ABCB9: variants seen among roughly 807,000 people sequenced by gnomAD.
ABCB9 encodes ATP binding cassette subfamily B member 9.
Under a neutral mutation model 62.0 loss-of-function variants are expected in ABCB9, and 36 were observed. The observed-to-expected ratio is 0.58, with a 90% CI of 0.45 to 0.77. The LOEUF (loss-of-function observed/expected upper bound fraction) is 0.77. Ranked by LOEUF, ABCB9 falls within the 30% of genes least tolerant of loss-of-function variation. ABCB9 has a pLI of 0.00. For missense variants in ABCB9, 943 were observed against 1,054.7 expected (o/e 0.89, Z 1.47); for synonymous variants, 435 against 461.4 (o/e 0.94, Z 0.73).
intron 1 of ABCB9, among the ~76,000 whole-genome samples, chr12:122,973,587 A>C (rs1362299972): frequency 3.6e-5 from 5 of 139,976 alleles, no homozygotes; most frequent in East Asian, 2.1e-4. Flanking sequence ...AGAAAAAAAA[A>C]AAAAAAAAAA....
chr12:122,942,618 C>CAA (rs549481027), intron 7 of ABCB9, among the ~76,000 whole-genome samples: 31 of 50,718 alleles, frequency 6.1e-4, no homozygotes, highest in Admixed American at 1.6e-3. Flanking sequence ...GACTCCATCT[C>CAA]AAAAAAAAAA....
downstream of ABCB9, among the ~76,000 whole-genome samples, chr12:122,927,696 C>A (rs1432661294): frequency 2.0e-5 from 3 of 152,148 alleles, no homozygotes; most frequent in East Asian, 5.8e-4. Context: ...TGGAACGGGG[C>A]TGGGCTGGGG....
rs762267115 is a variant in ABCB9, at chr12:122,930,545, G to T, written c.2041-374C>A. On this transcript the variant is annotated intron_variant, in intron 11 of 11. Transcript: ENST00000280560. This position sits in a 1 kb window ranked among gnomAD's most constrained non-coding sequence, Gnocchi z 4.9. Reference sequence around the variant, plus strand: ...GCCTCAGCTTCCCAAGTAGCTAGGGGATTACAGGTGCCCGCCACCATACCC... The same window carrying T: ...GCCTCAGCTTCCCAAGTAGCTAGGGTATTACAGGTGCCCGCCACCATACCC... Among the ~76,000 whole-genome samples the T allele has an allele frequency of 1.6e-4, 25 of 151,776 alleles. No individual in the cohort carries two copies. Among genetic ancestry groups the T allele is most frequent in the Non-Finnish European group, 2.4e-4 (16 of 67,952 alleles).
rs2035693122 is a variant in ABCB9, at chr12:122,940,368, C to T, written c.1570-84G>A. ...CCCTGACCTTGGACACAGGTGGGTGCCCTTCCCAGCCCACCCCATGTGCCT... is the reference window on the plus strand; with the variant it reads ...CCCTGACCTTGGACACAGGTGGGTGTCCTTCCCAGCCCACCCCATGTGCCT... On this transcript the variant is annotated intron_variant, in intron 8 of 11. Transcript: ENST00000280560. The surrounding 1 kb of genome is among the most constrained non-coding windows in gnomAD (Gnocchi z 4.8). The T allele has an allele frequency of 2.7e-6, 4 of 1,457,384 alleles. No individual in the cohort carries two copies. In the Admixed American group the frequency reaches 9.7e-5, roughly 35 times the overall value. 90.3% of individuals were successfully genotyped at this position (1,457,384 alleles called of 1,614,324 possible).
Position 122,960,190 on chromosome 12 carries a change from C to T in ABCB9, c.46G>A (p.Val16Met). The change falls in exon 2 of 12, where the codon GTG becomes ATG. Residue 16 changes from valine (V) to methionine (M), a missense_variant. Val to Met is a conservative substitution (Grantham distance 21). Coordinates refer to ENST00000280560, the MANE Select transcript of ABCB9 (RefSeq NM_019625.4). ...AVVVTLAFMS[V>M]DICVTTAIYV... Reference sequence around the variant, plus strand: ...ATGGCCGTGGTCACGCAGATGTCCACACTCATGAAGGCCAAAGTCACCACC... The same window carrying T: ...ATGGCCGTGGTCACGCAGATGTCCATACTCATGAAGGCCAAAGTCACCACC... 4.3e-6 allele frequency: 7 copies of T among 1,613,570 alleles called. No individual in the cohort carries two copies. The highest frequency in any genetic ancestry group is 5.9e-6 in the Non-Finnish European group (7 of 1,180,028).
chr12:122,955,142 C>A (rs2036557156), intron 2 of ABCB9, among the ~76,000 whole-genome samples: 1 of 152,170 alleles, frequency 6.6e-6, no homozygotes, highest in African/African-American at 2.4e-5. Context: ...CAAGCTTCCT[C>A]TCACTTCTTT....
rs57112984 is a variant in ABCB9, at chr12:122,972,037, C to CTTTT, written c.-88+2674_-88+2677dup. 2.1e-3 allele frequency among the ~76,000 whole-genome samples: 211 copies of CTTTT among 99,292 alleles called. 2 individuals carry two copies. The highest frequency in any genetic ancestry group is 2.5e-3 in the Non-Finnish European group (134 of 53,234). 65.1% of individuals were successfully genotyped at this position (99,292 alleles called of 152,430 possible). On this transcript the variant is annotated intron_variant, in intron 1 of 11. Coordinates refer to the ABCB9 transcript ENST00000392439. ...TTCATAGCAGCTTCATTCATAATGT[C>CTTTT]TTTTTTTTTTTTTTTTTTTTTTGTT...
At chr12:122,931,992 T>C (rs2035194338) in intron 11 of ABCB9, 200 bp downstream of exon 11, 2 of 902,816 alleles carry the variant, frequency 2.2e-6, no homozygotes. Context: ...CATACAGCTC[T>C]GCCTGGAGCC....
chr12:122,963,825 C>G (rs1296942977), intron 1 of ABCB9, among the ~76,000 whole-genome samples: 1 of 152,158 alleles, frequency 6.6e-6, no homozygotes, highest in Non-Finnish European at 1.5e-5. Context: ...AGCAGCTGCC[C>G]CTCCAAAGAC....
At chr12:122,924,641 A>G (rs2034839841), downstream of ABCB9, 1 of 1,470,550 alleles carries the variant, frequency 6.8e-7, no homozygotes, top group South Asian at 1.3e-5. Context: ...GGAAAGAAAC[A>G]ATGACAGAGT....
Position 122,940,952 on chromosome 12 carries a change from GC to G in ABCB9, c.1423del (p.Ala475LeufsTer35). The G allele has an allele frequency of 6.2e-7, 1 of 1,612,454 alleles. No individual in the cohort carries two copies. The highest frequency in any genetic ancestry group is 8.5e-7 in the Non-Finnish European group (1 of 1,179,142). ...VYSGLMQGVG[A>X]AEKVFEFIDR... ...GATGAACTCGAACACCTTCTCAGCAGCCCCCACTCCCTGCATCAGGCCACTG... is the reference window on the plus strand; with the variant it reads ...GATGAACTCGAACACCTTCTCAGCAGCCCCACTCCCTGCATCAGGCCACTG... On this transcript the variant is annotated frameshift_variant, in exon 8 of 12. Transcript: ENST00000280560. LOFTEE classifies it high-confidence loss of function. This position sits in a 1 kb window ranked among gnomAD's most constrained non-coding sequence, Gnocchi z 4.8.
upstream of ABCB9, among the ~76,000 whole-genome samples, chr12:122,970,940 C>A (rs539787012): frequency 3.5e-4 from 54 of 152,208 alleles, no homozygotes; most frequent in African/African-American, 1.3e-3. Flanking sequence ...ATGATTCCTA[C>A]CATATGACAT....
At chr12:122,949,642 C>G in intron 4 of ABCB9, 146 bp downstream of exon 4, 2 of 1,127,470 alleles carry the variant, frequency 1.8e-6, no homozygotes, top group Non-Finnish European at 2.5e-6. Flanking sequence ...AGGCCAAGCC[C>G]AGGGTGTTCC....
rs986904678 is a variant in ABCB9, at chr12:122,944,320, C to G, written c.1380+71G>C. The G allele has an allele frequency of 2.2e-5, 32 of 1,475,600 alleles. No individual in the cohort carries two copies. The highest frequency in any genetic ancestry group is 8.6e-5 in the South Asian group (7 of 81,504). The allele number at this position is 1,475,600 out of a possible 1,614,324, so 91.4% of individuals were successfully genotyped here. On this transcript the variant is annotated intron_variant, in intron 7 of 11. Transcript: ENST00000280560. The surrounding 1 kb of genome is among the most constrained non-coding windows in gnomAD (Gnocchi z 4.9). ...GTCAGAGTCCCTGGAGCCCCGCCCCCACCCTGTTAAGATCCCTCTTCCCCA... is the reference window on the plus strand; with the variant it reads ...GTCAGAGTCCCTGGAGCCCCGCCCCGACCCTGTTAAGATCCCTCTTCCCCA...
rs199883407 is a variant in ABCB9, at chr12:122,949,835, C to T, written c.800G>A (p.Arg267His). Residue 267 changes from arginine (R) to histidine (H), a missense_variant, in exon 4 of 12, where the codon CGC becomes CAC. By Grantham distance (29) the Arg-to-His change is conservative (BLOSUM62 0). Transcript: ENST00000280560. ...LNIRLRNCLF[R>H]SLVSQETSFF... ...GCTTGTCTCCTGGGACACCAGTGAG[C>T]GGAAGAGACAGTTTCGAAGGCGAAT... 5.5e-5 allele frequency: 89 copies of T among 1,614,194 alleles called. No individual in the cohort carries two copies. Among genetic ancestry groups the T allele is most frequent in the South Asian group, 1.2e-4 (11 of 91,082 alleles).
At chr12:122,919,311 G>A (rs1177300448), downstream of ABCB9, among the ~76,000 whole-genome samples, 3 of 151,972 alleles carry the variant, frequency 2.0e-5, no homozygotes, top group Non-Finnish European at 4.4e-5. Flanking sequence ...TAGCTGGGAC[G>A]ACCGGTATGC....
exon 12 of ABCB9, chr12:122,920,959 G>A (rs185960076): frequency 7.1e-5 from 105 of 1,484,892 alleles, no homozygotes; most frequent in Non-Finnish European, 9.2e-5. Context: ...TTGCTGCACT[G>A]AAAATGTTTT....
At chr12:122,965,531 A>C (rs2037124752) in intron 1 of ABCB9, among the ~76,000 whole-genome samples, 1 of 152,252 alleles carries the variant, frequency 6.6e-6, no homozygotes, top group East Asian at 1.9e-4. Context: ...CGTGGGGCCC[A>C]GCCTCACTCT....
At chr12:122,973,578 GAAAAAAAAAAAAAAA>G (rs57853191) in intron 1 of ABCB9, among the ~76,000 whole-genome samples, 7 of 50,338 alleles carry the variant, frequency 1.4e-4, no homozygotes, top group Admixed American at 6.4e-4. Context: ...CTCAAAAAAA[GAAAAAAAAAAAAAAA>G]AAAAAAAAAA....
Sources: allele counts gnomAD v4.1 joint callset (sites outside exome capture counted in the v4.1 genomes callset), GRCh38; gene constraint gnomAD v4.1.1; non-coding constraint Gnocchi (gnomAD v3.1); transcripts MANE v1.5; gene names NCBI Gene and HGNC (gene_info 2026-07-23, HGNC 2026-07-21).